Variants in PTPRN observed in about 807,000 individuals in gnomAD.
The protein encoded by PTPRN is receptor-type tyrosine-protein phosphatase-like N.
PTPRN carries 70 observed loss-of-function variants against 108.5 expected under a neutral mutation model. That is an observed-to-expected ratio of 0.65 (90% CI 0.53 to 0.79). PTPRN has a LOEUF of 0.79. Ranked by LOEUF, PTPRN falls within the 30% of genes least tolerant of loss-of-function variation. The pLI is 0.00. For synonymous variants in PTPRN, 496 were observed against 524.6 expected, an observed-to-expected ratio of 0.95 and a Z score of 0.75; for missense variants, 1,136 against 1,295.5, an observed-to-expected ratio of 0.88 and a Z score of 1.89.
Position 219,299,793 on chromosome 2 carries a change from A to T in PTPRN, c.1437-7T>A. The T allele has an allele frequency of 6.2e-7, 1 of 1,603,266 alleles. No homozygotes were observed. The highest frequency in any genetic ancestry group is 1.1e-5 in the South Asian group (1 of 90,222). The stretch of plus-strand genomic sequence containing the variant: ...TGCAGCCAGGCTCAGGGGCCTGGAG[A>T]TGGGAGAAGGCAGAGGAAGGAAAGT... On this transcript the variant is annotated splice_polypyrimidine_tract_variant and splice_region_variant and intron_variant, in intron 9 of 22. Coordinates refer to ENST00000295718, the MANE Select transcript of PTPRN (RefSeq NM_002846.4).
rs1476757782 is a variant in PTPRN, at chr2:219,295,008, G to T, written c.2642C>A (p.Pro881Gln). Residue 881 changes from proline (P) to glutamine (Q), a missense_variant, in exon 19 of 23, where the codon CCG becomes CAG. By Grantham distance (76) the Pro-to-Gln change is moderately conservative. Coordinates refer to ENST00000295718, the MANE Select transcript of PTPRN (RefSeq NM_002846.4). The part of the protein sequence containing the change: ...HFLSWPAEGT[P>Q]ASTRPLLDFR... ...GTCCAGCAGGGGCCGCGTGGAGGCCGGTGTGCCCTCTGCCGGCCAGCTGAG... is the reference window on the plus strand; with the variant it reads ...GTCCAGCAGGGGCCGCGTGGAGGCCTGTGTGCCCTCTGCCGGCCAGCTGAG... 6.2e-7 allele frequency: 1 copy of T among 1,606,740 alleles called. No individual in the cohort carries two copies. The highest frequency in any genetic ancestry group is 8.5e-7 in the Non-Finnish European group (1 of 1,176,898).
intron 19 of PTPRN, among the ~76,000 whole-genome samples, chr2:219,293,165 C>CATTT (rs10571864): frequency 0.024 from 3,582 of 149,372 alleles, 136 homozygotes; most frequent in African/African-American, 0.083. Flanking sequence ...GACCAAACTG[C>CATTT]ATTTATTTAT....
intron 3 of PTPRN, 170 bp from the exon 4 acceptor site, chr2:219,304,001 A>G (rs1952422154): frequency 2.0e-6 from 1 of 491,290 alleles, no homozygotes. Context: ...CCTCAGGTAC[A>G]GCTATTGGAG....
Position 219,298,086 on chromosome 2 carries a change from T to G in PTPRN, c.1686A>C (p.Ala562=), listed in dbSNP as rs758598613. 56 of 1,613,118 alleles carry G rather than the reference T, an allele frequency of 3.5e-5. No homozygotes were observed. The highest frequency in any genetic ancestry group is 4.6e-5 in the Non-Finnish European group (54 of 1,179,876). ...TGVGQREEAA[A]VLPQTAHSTS... ...TGCTGTGCGCAGTTTGGGGAAGGAC[T>G]GCAGCTGCCTCCTCCCTCTGTGGGA... Residue 562 remains alanine (A), a synonymous_variant, in exon 13 of 23, where the codon GCA becomes GCC. Coordinates refer to ENST00000295718, the MANE Select transcript of PTPRN (RefSeq NM_002846.4).
chr2:219,297,497 T>G lies in PTPRN; in HGVS notation c.1888-64A>C, dbSNP rs1952232397. ...GAAACTTTTCAACAGGGCCCTGGGT[T>G]CAACTCTGGGCTCCTAGGCTTGCCC... is the stretch of plus-strand genomic sequence containing the variant. On this transcript the variant is annotated intron_variant, in intron 13 of 22. Transcript: ENST00000295718. The surrounding 1 kb of genome is among the most constrained non-coding windows in gnomAD (Gnocchi z 6.0). 6.6e-7 allele frequency: 1 copy of G among 1,509,776 alleles called. No individual in the cohort carries two copies. Among genetic ancestry groups the G allele is most frequent in the South Asian group, 1.1e-5 (1 of 87,424 alleles). 93.5% of individuals were successfully genotyped at this position (1,509,776 alleles called of 1,614,324 possible).
rs1952034852 is a variant in PTPRN, at chr2:219,290,767, T to C, written c.2794+59A>G. On this transcript the variant is annotated intron_variant, in intron 21 of 22. Coordinates refer to ENST00000295718, the MANE Select transcript of PTPRN (RefSeq NM_002846.4). This position sits in a 1 kb window ranked among gnomAD's most constrained non-coding sequence, Gnocchi z 4.2. ...CCTTCTGAGCTCCCAGGACCCTGTG[T>C]GCTGGGGAGCCTCTAAAAAGGGCCT... is the stretch of plus-strand genomic sequence containing the variant. 6.4e-7 allele frequency: 1 copy of C among 1,561,984 alleles called. No homozygotes were observed. Among genetic ancestry groups the C allele is most frequent in the Non-Finnish European group, 8.8e-7 (1 of 1,132,990 alleles).
intron 19 of PTPRN, 23 bp downstream of exon 19, chr2:219,294,952 C>CAG (rs1159751192): frequency 1.3e-6 from 2 of 1,530,266 alleles, no homozygotes; most frequent in Admixed American, 4.1e-5. Flanking sequence ...GCGGTCCCTC[C>CAG]AGGCGGGGGC....
Position 219,296,577 on chromosome 2 carries a change from G to T in PTPRN, c.2311-61C>A. 6.3e-7 allele frequency: 1 copy of T among 1,598,724 alleles called. No homozygotes were observed. The highest frequency in any genetic ancestry group is 8.6e-7 in the Non-Finnish European group (1 of 1,167,160). On this transcript the variant is annotated intron_variant, in intron 16 of 22. Coordinates refer to ENST00000295718, the MANE Select transcript of PTPRN (RefSeq NM_002846.4). The surrounding 1 kb of genome is among the most constrained non-coding windows in gnomAD (Gnocchi z 6.0). ...GGAAATGCCACTATGGACAGGCGTGGTCAGAGCAAGTGGGTCAGGGTCTGA... is the reference window on the plus strand; with the variant it reads ...GGAAATGCCACTATGGACAGGCGTGTTCAGAGCAAGTGGGTCAGGGTCTGA...
At position 219,294,070 on chromosome 2, in the gene PTPRN, G is replaced by C. The variant is rs529123538; in HGVS notation, c.2675+905C>G. 9.5e-6 allele frequency: 5 copies of C among 523,730 alleles called. No homozygotes were observed. The African/African-American group carries it at 9.7e-5, about 10-fold the overall frequency. 32.4% of individuals were successfully genotyped at this position (523,730 alleles called of 1,614,324 possible). On this transcript the variant is annotated intron_variant, in intron 19 of 22. Coordinates refer to ENST00000295718, the MANE Select transcript of PTPRN (RefSeq NM_002846.4). ...CCCTGTACCCCTTGCTCCCAGCTCG[G>C]GGTGGTCCCCGGGCCACATGTCCTG...
At chr2:219,294,008 G>T in intron 19 of PTPRN, 1 of 468,900 alleles carries the variant, frequency 2.1e-6, no homozygotes, top group Non-Finnish European at 4.4e-6. Context: ...AGAATCCAGA[G>T]ATCCTCCCAC....
At position 219,290,436 on chromosome 2, in the gene PTPRN, G is replaced by A. The variant is rs1952027363; in HGVS notation, c.2868+102C>T. On this transcript the variant is annotated intron_variant, in intron 22 of 22. Coordinates refer to ENST00000295718, the MANE Select transcript of PTPRN (RefSeq NM_002846.4). This position sits in a 1 kb window ranked among gnomAD's most constrained non-coding sequence, Gnocchi z 4.2. ...GAGCCCTCCTGGAGGAGGCGCAGAA[G>A]CAGGTGGGAAAGGTTGGCAGCTGCT... 5.0e-6 allele frequency: 7 copies of A among 1,395,362 alleles called. No individual in the cohort carries two copies. The highest frequency in any genetic ancestry group is 6.9e-6 in the Non-Finnish European group (7 of 1,007,686). 86.4% of individuals were successfully genotyped at this position (1,395,362 alleles called of 1,614,324 possible). A position where few individuals can be genotyped will look rare whatever the true frequency, so the allele number is the denominator to read the frequency against.
chr2:219,309,365 G>C lies in PTPRN; in HGVS notation c.-33C>G. ...AGCTCCGGGCGCTCGCTCCCGGGCC[G>C]GAGCCGCAGCGACGCTGGCGGGAGC... is the stretch of plus-strand genomic sequence containing the variant. On this transcript the variant is annotated 5_prime_UTR_variant, in exon 1 of 23. Coordinates refer to ENST00000295718, the MANE Select transcript of PTPRN (RefSeq NM_002846.4). 2 of 1,199,166 alleles carry C rather than the reference G, an allele frequency of 1.7e-6. No individual in the cohort carries two copies. Among genetic ancestry groups the C allele is most frequent in the East Asian group, 6.0e-5 (2 of 33,264 alleles). 74.3% of individuals were successfully genotyped at this position (1,199,166 alleles called of 1,614,324 possible).
At chr2:219,302,938 G>T in intron 4 of PTPRN, 101 bp from the exon 5 acceptor site, 1 of 1,373,576 alleles carries the variant, frequency 7.3e-7, no homozygotes, top group Non-Finnish European at 9.8e-7. Context: ...GCGGTTAAGA[G>T]CAGGCCTGAC....
chr2:219,299,047 C>G lies in PTPRN; in HGVS notation c.1668G>C (p.Gln556His). ...GLQILQTGVG[Q>H]REEAAAVLPQ... ...GACTGATTCTCCAGTTAGCGCATAC[C>G]TGTCCCACTCCTGTCTGCAAGATTT... Residue 556 changes from glutamine (Q) to histidine (H), a missense_variant and splice_region_variant, in exon 12 of 23, where the codon CAG (glutamine) becomes CAC (histidine). By Grantham distance (24) the Gln-to-His change is conservative. Coordinates refer to ENST00000295718, the MANE Select transcript of PTPRN (RefSeq NM_002846.4). The G allele has an allele frequency of 6.2e-7, 1 of 1,614,258 alleles. No homozygotes were observed. Among genetic ancestry groups the G allele is most frequent in the Non-Finnish European group, 8.5e-7 (1 of 1,180,046 alleles).
In PTPRN at chr2:219,302,117, G is replaced by T; in HGVS notation, c.994+20C>A. Reference sequence around the variant, plus strand: ...CCAAAGCAGCCCTCACAGGGAGGTGGATGCTGAGGACCTTGTTACCTGGCT... The same window carrying T: ...CCAAAGCAGCCCTCACAGGGAGGTGTATGCTGAGGACCTTGTTACCTGGCT... On this transcript the variant is annotated intron_variant, in intron 6 of 22. Coordinates refer to ENST00000295718, the MANE Select transcript of PTPRN (RefSeq NM_002846.4). The T allele has an allele frequency of 6.5e-7, 1 of 1,545,062 alleles. No individual in the cohort carries two copies.
At chr2:219,303,183 C>T (rs755869720) in intron 4 of PTPRN, among the ~76,000 whole-genome samples, 12 of 152,168 alleles carry the variant, frequency 7.9e-5, no homozygotes, top group Admixed American at 1.3e-4. Flanking sequence ...CAGCTGTCCC[C>T]GTTGCCCCTG....
chr2:219,294,223 AG>A, intron 19 of PTPRN: 1 of 468,702 alleles, frequency 2.1e-6, no homozygotes, highest in South Asian at 1.5e-5. Flanking sequence ...AGAGGGAAGA[AG>A]GGAGAGGGAA....
At position 219,296,808 on chromosome 2, in the gene PTPRN, T is replaced by C. The variant is rs778885516; in HGVS notation, c.2251A>G (p.Ile751Val). The change falls in exon 16 of 23, where the codon ATA becomes GTA. Residue 751 changes from isoleucine to valine, a missense_variant. Transcript: ENST00000295718. This position sits in a 1 kb window ranked among gnomAD's most constrained non-coding sequence, Gnocchi z 6.0. ...GGGCTGCTCTCCACCTTCAGTTTTATGCGGGCATGGTCATCTGCACAGACC... is the reference window on the plus strand; with the variant it reads ...GGGCTGCTCTCCACCTTCAGTTTTACGCGGGCATGGTCATCTGCACAGACC... ...PDFLPYDHAR[I>V]KLKVESSPSR... 9 of 1,613,882 alleles carry C rather than the reference T, an allele frequency of 5.6e-6. No homozygotes were observed. In the Admixed American group the frequency reaches 6.7e-5, roughly 12 times the overall value.
intron 10 of PTPRN, 101 bp downstream of exon 10, chr2:219,299,599 A>G: frequency 7.8e-7 from 1 of 1,278,218 alleles, no homozygotes; most frequent in Non-Finnish European, 1.1e-6. Flanking sequence ...CCCTGAGCTC[A>G]GAGCTTGTCT....
Sources: gnomAD v4.1 joint callset for allele counts (sites outside exome capture counted in the v4.1 genomes callset) on GRCh38, gnomAD v4.1.1 for gene constraint, Gnocchi (gnomAD v3.1) non-coding constraint, MANE v1.5 for transcripts, NCBI Gene and HGNC (gene_info 2026-07-23, HGNC 2026-07-21) for gene names.